The following SRGAP3 variants were observed in gnomAD, a reference collection of about 807,000 sequenced individuals.
SRGAP3 encodes the protein SLIT-ROBO Rho GTPase-activating protein 3.
SRGAP3 carries 39 observed loss-of-function variants against 121.1 expected under a neutral mutation model. The observed-to-expected ratio is 0.32, with a 90% CI of 0.25 to 0.42. The LOEUF (loss-of-function observed/expected upper bound fraction) is 0.42, where lower values mean the gene tolerates loss of function less well. Ranked by LOEUF, SRGAP3 falls within the 10% of genes least tolerant of loss-of-function variation. The pLI, the probability that SRGAP3 is intolerant of heterozygous loss-of-function variation, is 1.00. For missense variants in SRGAP3, 1,213 were observed against 1,470.6 expected (o/e 0.82, Z 2.86); for synonymous variants, 601 against 570.0 (o/e 1.05, Z -0.77).
chr3:9,296,905 G>C (rs1954962529), intron 3 of SRGAP3, among the ~76,000 whole-genome samples: 2 of 152,004 alleles, frequency 1.3e-5, no homozygotes, highest in South Asian at 4.1e-4. Flanking sequence ...TGTTTTTTGA[G>C]ACAGGGTCTT....
chr3:9,147,594 C>T (rs1950069438), intron 1 of SRGAP3, among the ~76,000 whole-genome samples: 1 of 152,210 alleles, frequency 6.6e-6, no homozygotes, highest in East Asian at 1.9e-4. Context: ...TGATTCTGGG[C>T]ACAGAATCAT....
rs56767124 is a variant in SRGAP3, at chr3:9,141,551, GGGGTGTGT to G, written c.68-16642_68-16635del. ...AAGAAACAAGAAGGATCTGACTTCA[GGGGTGTGT>G]GTGTGTGTGTGTGTGTGTGTGTGTG... On this transcript the variant is annotated intron_variant, in intron 1 of 21. Coordinates refer to ENST00000383836, the MANE Select transcript of SRGAP3 (RefSeq NM_014850.4). 8.2e-3 allele frequency among the ~76,000 whole-genome samples: 967 copies of G among 117,626 alleles called. 15 individuals carry two copies. The highest frequency in any genetic ancestry group is 0.037 in the African/African-American group (915 of 24,694). The allele number at this position is 117,626 out of a possible 152,430, so 77.2% of individuals were successfully genotyped here.
At chr3:9,046,322 G>T (rs1292444948) in intron 10 of SRGAP3, among the ~76,000 whole-genome samples, 22 of 152,214 alleles carry the variant, frequency 1.4e-4, no homozygotes. Flanking sequence ...GGGAATTTTT[G>T]AGGGTGACTG....
intron 1 of SRGAP3, among the ~76,000 whole-genome samples, chr3:9,224,851 C>T (rs1283829359): frequency 2.0e-5 from 3 of 152,052 alleles, no homozygotes; most frequent in African/African-American, 7.2e-5. Context: ...GGAGGGTGTC[C>T]TATAGGTTGT....
intron 3 of SRGAP3, among the ~76,000 whole-genome samples, chr3:9,310,805 G>A (rs1955228250): frequency 6.6e-6 from 1 of 152,184 alleles, no homozygotes; most frequent in Non-Finnish European, 1.5e-5. Flanking sequence ...TATAGAAGGT[G>A]ATAATTCCCT....
chr3:9,132,515 T>C (rs1268618320), intron 1 of SRGAP3, among the ~76,000 whole-genome samples: 1 of 152,228 alleles, frequency 6.6e-6, no homozygotes, highest in Non-Finnish European at 1.5e-5. Flanking sequence ...TCATAAAGTA[T>C]ATAGACTTTT....
chr3:9,174,313 C>G (rs755144960), intron 1 of SRGAP3, among the ~76,000 whole-genome samples: 1 of 152,048 alleles, frequency 6.6e-6, no homozygotes, highest in Non-Finnish European at 1.5e-5. Flanking sequence ...CTGAACTGTA[C>G]GTTGTAAAAT....
At chr3:8,998,143 C>T (rs1270423870) in intron 18 of SRGAP3, among the ~76,000 whole-genome samples, 2 of 152,224 alleles carry the variant, frequency 1.3e-5, no homozygotes, top group South Asian at 4.1e-4. Context: ...CCTGCCTTGG[C>T]CTCCCAAAGT....
intron 1 of SRGAP3, among the ~76,000 whole-genome samples, chr3:9,137,752 G>C (rs532942104): frequency 6.6e-6 from 1 of 152,346 alleles, no homozygotes; most frequent in South Asian, 2.1e-4. Context: ...GAATGGGAGG[G>C]AGAGAGGGTT....
rs113786707 is a variant in SRGAP3, at chr3:9,091,633, A to G, written c.424-11546T>C. ...ATCAGGCTTCTCCAGCCTGTGCTGG[A>G]AGGTCCACGTACCCCTGAACACAGC... On this transcript the variant is annotated intron_variant, in intron 3 of 21. Transcript: ENST00000383836. Among the ~76,000 whole-genome samples the G allele has an allele frequency of 1.3e-3, 198 of 152,324 alleles. 2 individuals are homozygous for G. The highest frequency in any genetic ancestry group is 5.8e-3 in the East Asian group (30 of 5,182).
At chr3:9,214,208 G>A (rs1952542230) in intron 1 of SRGAP3, among the ~76,000 whole-genome samples, 1 of 151,724 alleles carries the variant, frequency 6.6e-6, no homozygotes, top group Non-Finnish European at 1.5e-5. Context: ...GAACACAACA[G>A]AAGCTTAATA....
At chr3:9,261,189 C>T (rs1057074569) in intron 3 of SRGAP3, among the ~76,000 whole-genome samples, 1 of 152,092 alleles carries the variant, frequency 6.6e-6, no homozygotes, top group African/African-American at 2.4e-5. Context: ...AAGCTCCATC[C>T]AAAGGTCACC....
intron 18 of SRGAP3, among the ~76,000 whole-genome samples, chr3:9,009,814 C>T (rs1479979449): frequency 6.6e-6 from 1 of 152,170 alleles, no homozygotes; most frequent in Non-Finnish European, 1.5e-5. Context: ...ACCAGACACA[C>T]CTGTAATCTG....
chr3:9,183,144 G>A (rs73019385), intron 1 of SRGAP3, among the ~76,000 whole-genome samples: 13,371 of 152,194 alleles, frequency 0.088, 967 homozygotes, highest in African/African-American at 0.19. Flanking sequence ...ATCTGAGAGA[G>A]GAGGAGGCCC....
At chr3:9,078,789 A>T (rs1947100998) in intron 4 of SRGAP3, among the ~76,000 whole-genome samples, 1 of 152,218 alleles carries the variant, frequency 6.6e-6, no homozygotes, top group Non-Finnish European at 1.5e-5. Context: ...CTTTACCCTA[A>T]GAATGACTCA....
intron 1 of SRGAP3, among the ~76,000 whole-genome samples, chr3:9,234,658 T>A (rs1953340464): frequency 6.6e-6 from 1 of 152,172 alleles, no homozygotes; most frequent in Admixed American, 6.5e-5. Flanking sequence ...AACTTACTGA[T>A]CTACATTAAC....
intron 3 of SRGAP3, among the ~76,000 whole-genome samples, chr3:9,255,634 A>G (rs1954115390): frequency 6.6e-6 from 1 of 152,094 alleles, no homozygotes; most frequent in African/African-American, 2.4e-5. Flanking sequence ...TTGCCCTGGC[A>G]CTTTGGGATG....
intron 2 of SRGAP3, among the ~76,000 whole-genome samples, chr3:9,106,640 A>G (rs1031362291): frequency 3.9e-5 from 6 of 151,980 alleles, no homozygotes; most frequent in African/African-American, 1.5e-4. Context: ...ATAAGATCTG[A>G]TGGGCTTATC....
intron 1 of SRGAP3, among the ~76,000 whole-genome samples, chr3:9,210,116 C>T (rs1165408401): frequency 6.6e-6 from 1 of 151,668 alleles, no homozygotes; most frequent in Non-Finnish European, 1.5e-5. Flanking sequence ...TCTATAGAGG[C>T]AGAAAATAGA....
Sources: allele counts gnomAD v4.1 joint callset (sites outside exome capture counted in the v4.1 genomes callset), GRCh38; gene constraint gnomAD v4.1.1; transcripts MANE v1.5; gene names NCBI Gene and HGNC (gene_info 2026-07-23, HGNC 2026-07-21).